Variants in CDC42BPA observed in about 807,000 individuals in gnomAD.
CDC42BPA encodes CDC42 binding protein kinase alpha.
CDC42BPA carries 80 observed loss-of-function variants against 223.5 expected under a neutral mutation model. The ratio of observed to expected loss-of-function variants is 0.36; its 90% confidence interval spans 0.30 to 0.43. The LOEUF is 0.43. CDC42BPA is among the 20% of genes least tolerant of loss of function. CDC42BPA has a pLI of 1.00. For synonymous variants in CDC42BPA, 694 were observed against 718.6 expected (o/e 0.97, Z 0.55); for missense variants, 1,743 against 2,099.9 (o/e 0.83, Z 3.32).
At chr1:227,085,170 A>G (rs968209210) in intron 16 of CDC42BPA, among the ~76,000 whole-genome samples, 9 of 151,862 alleles carry the variant, frequency 5.9e-5, no homozygotes, top group African/African-American at 2.2e-4. Flanking sequence ...TGCTCCCAAC[A>G]CACATACATA....
At chr1:227,200,563 T>A (rs1329488822) in intron 3 of CDC42BPA, among the ~76,000 whole-genome samples, 1 of 152,064 alleles carries the variant, frequency 6.6e-6, no homozygotes, top group African/African-American at 2.4e-5. Context: ...GTTCTTCTTT[T>A]AACTGCTATG....
chr1:226,994,689 C>A lies in CDC42BPA; in HGVS notation c.5133+134G>T. On this transcript the variant is annotated intron_variant, in intron 36 of 36. Coordinates refer to ENST00000366766, the MANE Select transcript of CDC42BPA (RefSeq NM_001394014.1). The surrounding 1 kb of genome is among the most constrained non-coding windows in gnomAD (Gnocchi z 4.0). ...CCCGAGTGACTGGCCTAGCTGCCCGCTGGCCAAGAGTGAATGCTGGCCCCT... is the reference window on the plus strand; with the variant it reads ...CCCGAGTGACTGGCCTAGCTGCCCGATGGCCAAGAGTGAATGCTGGCCCCT... 1 of 952,836 alleles carries A rather than the reference C, an allele frequency of 1.0e-6. No homozygotes were observed. The highest frequency in any genetic ancestry group is 1.6e-6 in the Non-Finnish European group (1 of 640,634). 59.0% of individuals were successfully genotyped at this position (952,836 alleles called of 1,614,324 possible).
intron 1 of CDC42BPA, among the ~76,000 whole-genome samples, chr1:227,268,154 C>T (rs1336414747): frequency 6.6e-6 from 1 of 152,062 alleles, no homozygotes; most frequent in Non-Finnish European, 1.5e-5. Flanking sequence ...AGTTCAGGTG[C>T]AAAAGGAAAT....
chr1:227,258,478 AG>A lies in CDC42BPA; in HGVS notation c.179-4324del, dbSNP rs548467221. The stretch of plus-strand genomic sequence containing the variant: ...ATTAAGTGTCTATACAGGGGTATAC[AG>A]TTATCTTGTCATATGATGATACCCT... On this transcript the variant is annotated intron_variant, in intron 1 of 36. Coordinates refer to ENST00000366766, the MANE Select transcript of CDC42BPA (RefSeq NM_001394014.1). 1.2e-4 allele frequency among the ~76,000 whole-genome samples: 18 copies of A among 151,110 alleles called. No individual in the cohort carries two copies. The East Asian group carries it at 3.5e-3, about 29-fold the overall frequency.
In CDC42BPA at chr1:227,049,721, T is replaced by C. The variant is rs931384218; in HGVS notation, c.3010-1711A>G. On this transcript the variant is annotated intron_variant, in intron 22 of 36. Transcript: ENST00000366766. The stretch of plus-strand genomic sequence containing the variant: ...AAACCAAAAGAACAATGGAAAAGAA[T>C]TGAGAGTATCCAAACAGATCCATGC... Among the ~76,000 whole-genome samples the C allele has an allele frequency of 2.0e-5, 3 of 152,144 alleles. No individual in the cohort carries two copies. In the South Asian group the frequency reaches 6.2e-4, roughly 32 times the overall value.
At chr1:227,006,961 AC>A (rs1664212777) in intron 34 of CDC42BPA, among the ~76,000 whole-genome samples, 6 of 151,486 alleles carry the variant, frequency 4.0e-5, no homozygotes, top group Admixed American at 3.9e-4. Flanking sequence ...AACAACAACA[AC>A]AACAACAACA....
At chr1:227,249,640 T>C (rs1849548) in intron 2 of CDC42BPA, among the ~76,000 whole-genome samples, 2 of 152,112 alleles carry the variant, frequency 1.3e-5, no homozygotes, top group Non-Finnish European at 2.9e-5. Flanking sequence ...GGCTAAAGAT[T>C]TGAATAGACC....
chr1:227,261,124 C>CTT (rs386369874), intron 1 of CDC42BPA, among the ~76,000 whole-genome samples: 30,508 of 121,342 alleles, frequency 0.25, 4,751 homozygotes, highest in Middle Eastern at 0.34. Context: ...TTGAGTTTTT[C>CTT]TTTTTTTTTG....
At chr1:227,299,345 C>T (rs889790881) in intron 1 of CDC42BPA, among the ~76,000 whole-genome samples, 6 of 152,128 alleles carry the variant, frequency 3.9e-5, no homozygotes, top group African/African-American at 1.4e-4. Flanking sequence ...AACACTGTTG[C>T]AAAGGAAATA....
intron 21 of CDC42BPA, among the ~76,000 whole-genome samples, chr1:227,063,387 C>CAAG (rs1284184839): frequency 6.6e-6 from 1 of 152,030 alleles, no homozygotes; most frequent in African/African-American, 2.4e-5. Flanking sequence ...GAAATAATCT[C>CAAG]AGGAGTACAT....
chr1:227,121,805 T>C (rs1274287512), intron 11 of CDC42BPA, among the ~76,000 whole-genome samples: 1 of 148,946 alleles, frequency 6.7e-6, no homozygotes, highest in Non-Finnish European at 1.5e-5. Context: ...TTTTTTTCTT[T>C]TTTTTTTTTT....
chr1:227,095,398 A>G (rs1683794487), intron 15 of CDC42BPA, among the ~76,000 whole-genome samples: 1 of 152,160 alleles, frequency 6.6e-6, no homozygotes, highest in South Asian at 2.1e-4. Flanking sequence ...TTAAATTTCC[A>G]ACAGTTCTAT....
chr1:227,316,463 T>C (rs1171963707), intron 1 of CDC42BPA, among the ~76,000 whole-genome samples: 1 of 152,230 alleles, frequency 6.6e-6, no homozygotes, highest in African/African-American at 2.4e-5. Flanking sequence ...CATTTAATCT[T>C]ACAAACATAA....
Position 227,317,505 on chromosome 1 carries a change from C to T in CDC42BPA, c.-323G>A. The T allele has an allele frequency of 8.1e-6, 3 of 372,658 alleles. No individual in the cohort carries two copies. The highest frequency in any genetic ancestry group is 1.4e-5 in the Non-Finnish European group (3 of 216,684). 23.1% of individuals were successfully genotyped at this position (372,658 alleles called of 1,614,324 possible). A position where few individuals can be genotyped will look rare whatever the true frequency, so the allele number is the denominator to read the frequency against. Reference sequence around the variant, plus strand: ...AGTACAACGAACTAGAGAGTCAACACTTCTTTAAAAAAAAAAAAAAAAACT... The same window carrying T: ...AGTACAACGAACTAGAGAGTCAACATTTCTTTAAAAAAAAAAAAAAAAACT... On this transcript the variant is annotated 5_prime_UTR_variant, in exon 1 of 37. The change creates a new upstream start codon in the 5' untranslated region. Transcript: ENST00000366766.
intron 2 of CDC42BPA, among the ~76,000 whole-genome samples, chr1:227,241,750 C>T (rs1292563253): frequency 6.6e-6 from 1 of 152,032 alleles, no homozygotes; most frequent in African/African-American, 2.4e-5. Flanking sequence ...ATCCATTTTC[C>T]AAAACCTCAA....
chr1:227,130,747 C>T (rs1656917259), intron 10 of CDC42BPA, among the ~76,000 whole-genome samples: 1 of 151,972 alleles, frequency 6.6e-6, no homozygotes, highest in African/African-American at 2.4e-5. Context: ...ACCAGCTACT[C>T]GGGAGGCTGA....
chr1:227,205,104 C>A (rs1373760629), intron 3 of CDC42BPA, among the ~76,000 whole-genome samples: 3 of 151,390 alleles, frequency 2.0e-5, no homozygotes, highest in Non-Finnish European at 4.4e-5. Flanking sequence ...ACTAAAAATA[C>A]AAAAATTAGC....
At chr1:227,122,270 G>A (rs1688782291) in intron 11 of CDC42BPA, among the ~76,000 whole-genome samples, 1 of 152,144 alleles carries the variant, frequency 6.6e-6, no homozygotes, top group Admixed American at 6.5e-5. Context: ...AGTACATTTA[G>A]TAATCCATTC....
At chr1:227,273,095 T>C (rs1178981741) in intron 1 of CDC42BPA, among the ~76,000 whole-genome samples, 1 of 151,918 alleles carries the variant, frequency 6.6e-6, no homozygotes, top group Non-Finnish European at 1.5e-5. Context: ...ATCAGGAGTT[T>C]GAGACCAGCC....
Sources: gnomAD v4.1 joint callset for allele counts (sites outside exome capture counted in the v4.1 genomes callset) on GRCh38, gnomAD v4.1.1 for gene constraint, Gnocchi (gnomAD v3.1) non-coding constraint, MANE v1.5 for transcripts, NCBI Gene and HGNC (gene_info 2026-07-23, HGNC 2026-07-21) for gene names.